Variants in DPY19L2 observed in about 807,000 individuals in gnomAD.
DPY19L2 encodes probable C-mannosyltransferase DPY19L2.
Under a neutral mutation model 97.9 loss-of-function variants are expected in DPY19L2, and 34 were observed. The observed-to-expected ratio is 0.35, with a 90% CI of 0.26 to 0.46. DPY19L2 has a LOEUF of 0.46. Among genes scored for constraint, DPY19L2 ranks in the 20% least tolerant of loss-of-function variants. The probability of loss-of-function intolerance (pLI) is 1.00; values close to 1 mark genes in which losing one functional copy is unlikely to be tolerated. For missense variants in DPY19L2, 623 were observed against 911.4 expected (o/e 0.68, Z 4.07); for synonymous variants, 230 against 307.9 (o/e 0.75, Z 2.65).
chr12:63,636,765 G>A (rs547260976), intron 6 of DPY19L2, among the ~76,000 whole-genome samples: 1 of 152,100 alleles, frequency 6.6e-6, no homozygotes, highest in African/African-American at 2.4e-5. Flanking sequence ...CCCAATACAG[G>A]AGCAGCCAGA....
At chr12:63,667,316 C>G (rs887831547) in intron 1 of DPY19L2, among the ~76,000 whole-genome samples, 29 of 152,072 alleles carry the variant, frequency 1.9e-4, no homozygotes, top group Non-Finnish European at 3.8e-4. Flanking sequence ...AGGAAAAGGT[C>G]AAATATACTA....
chr12:63,656,826 T>G (rs1895032982), intron 4 of DPY19L2, among the ~76,000 whole-genome samples: 1 of 152,184 alleles, frequency 6.6e-6, no homozygotes, highest in Non-Finnish European at 1.5e-5. Flanking sequence ...GATGAGCTCA[T>G]GTAAGGCATT....
intron 20 of DPY19L2, among the ~76,000 whole-genome samples, chr12:63,570,316 C>T (rs1339066978): frequency 6.6e-6 from 1 of 152,244 alleles, no homozygotes; most frequent in Admixed American, 6.5e-5. Flanking sequence ...ACTTTTTCTA[C>T]CTGTCACAAA....
chr12:63,609,053 C>T (rs2137655339), intron 11 of DPY19L2, among the ~76,000 whole-genome samples: 1 of 152,184 alleles, frequency 6.6e-6, no homozygotes, highest in East Asian at 1.9e-4. Context: ...CCTCTCCAAA[C>T]TGCCGAATAA....
At chr12:63,577,875 A>C (rs56167222) in intron 19 of DPY19L2, among the ~76,000 whole-genome samples, 11,700 of 152,210 alleles carry the variant, frequency 0.077, 689 homozygotes, top group African/African-American at 0.16. Context: ...ACTATGTAGA[A>C]GAGTTTGGAG....
chr12:63,665,632 G>A (rs917510703), intron 2 of DPY19L2, among the ~76,000 whole-genome samples: 13 of 152,136 alleles, frequency 8.5e-5, no homozygotes, highest in Non-Finnish European at 8.8e-5. Context: ...TAATTCATAA[G>A]TGACTATTCC....
chr12:63,654,232 G>A (rs1425601790), intron 4 of DPY19L2, among the ~76,000 whole-genome samples: 2 of 152,008 alleles, frequency 1.3e-5, no homozygotes, highest in African/African-American at 4.8e-5. Context: ...AAATAAGTTT[G>A]ATGATTAAAA....
chr12:63,604,140 T>G (rs1243978617), intron 12 of DPY19L2, among the ~76,000 whole-genome samples: 1 of 152,214 alleles, frequency 6.6e-6, no homozygotes, highest in African/African-American at 2.4e-5. Context: ...GATATGTAAT[T>G]CATCTTGACA....
At chr12:63,633,071 T>G (rs981466238) in intron 6 of DPY19L2, among the ~76,000 whole-genome samples, 4 of 152,060 alleles carry the variant, frequency 2.6e-5, no homozygotes, top group East Asian at 1.9e-4. Flanking sequence ...AATTCAAGAT[T>G]GATTAAAGAC....
rs757703201 is a variant in DPY19L2 at position 63,668,117 on chromosome 12, G to C, written c.277C>G (p.Arg93Gly). The C allele has an allele frequency of 4.3e-6, 7 of 1,613,886 alleles. No individual in the cohort carries two copies. The highest frequency in any genetic ancestry group is 1.7e-5 in the Admixed American group (1 of 59,998). The change falls in exon 1 of 22, where the codon CGG becomes GGG. Residue 93 changes from arginine (R) to glycine (G), a missense_variant. Coordinates refer to ENST00000324472, the MANE Select transcript of DPY19L2 (RefSeq NM_173812.5). ...QFVRNSLAQL[R>G]EKVQELQARR... ...GCCTGCAGTTCCTGCACCTTTTCCC[G>C]GAGCTGCGCCAGGGAATTACGGACG...
Position 63,611,732 on chromosome 12 carries a change from A to G in DPY19L2, c.1219-3057T>C, listed in dbSNP as rs1230204775. 2.0e-5 allele frequency among the ~76,000 whole-genome samples: 3 copies of G among 152,148 alleles called. No homozygotes were observed. The East Asian group carries it at 5.8e-4, about 29-fold the overall frequency. On this transcript the variant is annotated intron_variant, in intron 11 of 21. Transcript: ENST00000324472. Reference sequence around the variant, plus strand: ...GAAGACACAGCAATAGTAACTATCCAAAATTAAATTAAGAACAAAAATAAA... The same window carrying G: ...GAAGACACAGCAATAGTAACTATCCGAAATTAAATTAAGAACAAAAATAAA...
chr12:63,629,677 C>T (rs1342491198), intron 6 of DPY19L2, among the ~76,000 whole-genome samples: 2 of 152,102 alleles, frequency 1.3e-5, no homozygotes, highest in Non-Finnish European at 2.9e-5. Context: ...CCCAGTCTAG[C>T]AAGGCAGGCC....
At chr12:63,586,085 A>G (rs1211539317) in intron 16 of DPY19L2, among the ~76,000 whole-genome samples, 1 of 152,188 alleles carries the variant, frequency 6.6e-6, no homozygotes, top group Non-Finnish European at 1.5e-5. Context: ...AAGTGAAAGA[A>G]TAAGAGAACA....
At position 63,560,540 on chromosome 12, in the gene DPY19L2, C is replaced by CT; in HGVS notation, c.2248dup (p.Ser750LysfsTer9). The CT allele has an allele frequency of 6.2e-7, 1 of 1,613,946 alleles. No individual in the cohort carries two copies. Among genetic ancestry groups the CT allele is most frequent in the Non-Finnish European group, 8.5e-7 (1 of 1,179,894 alleles). ...GTTAACCTTTAATACTCTGTACACA[C>CT]TATTCTGAAATACTGTGGTGAAGTA... On this transcript the variant is annotated frameshift_variant, in exon 22 of 22. Coordinates refer to ENST00000324472, the MANE Select transcript of DPY19L2 (RefSeq NM_173812.5). LOFTEE classifies it high-confidence loss of function.
At chr12:63,593,557 G>A (rs191755196) in intron 16 of DPY19L2, among the ~76,000 whole-genome samples, 1 of 151,858 alleles carries the variant, frequency 6.6e-6, no homozygotes, top group Non-Finnish European at 1.5e-5. Context: ...ACCAAACACC[G>A]CATATTCTCA....
At chr12:63,611,688 A>G (rs182929023) in intron 11 of DPY19L2, among the ~76,000 whole-genome samples, 245 of 152,262 alleles carry the variant, frequency 1.6e-3, no homozygotes, top group African/African-American at 5.5e-3. Flanking sequence ...TACTGCAGAA[A>G]AACAACCAGT....
At position 63,643,450 on chromosome 12, in the gene DPY19L2, A is replaced by ATTAATT. The variant is rs557031884; in HGVS notation, c.803+947_803+952dup. On this transcript the variant is annotated intron_variant, in intron 6 of 21. Coordinates refer to ENST00000324472, the MANE Select transcript of DPY19L2 (RefSeq NM_173812.5). The stretch of plus-strand genomic sequence containing the variant: ...ATTTGTTGAAAGACTAAAGCTATCA[A>ATTAATT]TTAATTTTAATTTTAATTTTAAATG... 4.2e-3 allele frequency among the ~76,000 whole-genome samples: 639 copies of ATTAATT among 152,292 alleles called. 10 individuals carry two copies. The highest frequency in any genetic ancestry group is 0.015 in the African/African-American group (604 of 41,556).
At position 63,668,461 on chromosome 12, in the gene DPY19L2, G is replaced by A. The variant is rs562222508; in HGVS notation, c.-68C>T. On this transcript the variant is annotated 5_prime_UTR_variant, in exon 1 of 22. Transcript: ENST00000324472. ...CCAGCCGAGTCAGGCGAGGTCCAGAGAGACCTGACTCGCCTGGCAGCCTCA... is the reference window on the plus strand; with the variant it reads ...CCAGCCGAGTCAGGCGAGGTCCAGAAAGACCTGACTCGCCTGGCAGCCTCA... The A allele has an allele frequency of 1.5e-5, 21 of 1,441,852 alleles. No individual in the cohort carries two copies. The highest frequency in any genetic ancestry group is 1.7e-5 in the Non-Finnish European group (19 of 1,086,332). 89.3% of individuals were successfully genotyped at this position (1,441,852 alleles called of 1,614,324 possible).
intron 17 of DPY19L2, 70 bp from the exon 18 acceptor site, chr12:63,582,595 A>T: frequency 6.9e-7 from 1 of 1,452,948 alleles, no homozygotes; most frequent in Non-Finnish European, 9.3e-7. Flanking sequence ...AGTATATTAA[A>T]ACTATATTAT....
Sources: allele counts gnomAD v4.1 joint callset (sites outside exome capture counted in the v4.1 genomes callset), GRCh38; gene constraint gnomAD v4.1.1; transcripts MANE v1.5; gene names NCBI Gene and HGNC (gene_info 2026-07-23, HGNC 2026-07-21).